CADM2: variants seen among roughly 807,000 people sequenced by gnomAD.
The protein encoded by CADM2 is immunoglobulin superfamily member 4D.
A neutral mutation model predicts 49.8 loss-of-function variants in CADM2; 12 were observed. The ratio of observed to expected loss-of-function variants is 0.24; its 90% CI spans 0.15 to 0.39. CADM2 has a LOEUF of 0.39. Among genes scored for constraint, CADM2 ranks in the 10% least tolerant of loss-of-function variants. The pLI is 1.00. For synonymous variants in CADM2, 214 were observed against 175.4 expected, an observed-to-expected ratio of 1.22 and a Z score of -1.74; for missense variants, 378 against 492.3, an observed-to-expected ratio of 0.77 and a Z score of 2.20.
intron 2 of CADM2, among the ~76,000 whole-genome samples, chr3:85,751,894 C>T (rs913248741): frequency 2.0e-5 from 3 of 152,074 alleles, no homozygotes; most frequent in African/African-American, 7.2e-5. Context: ...GTAAATGTCT[C>T]TTCTGACAAT....
At chr3:85,150,789 A>G (rs2039897284) in intron 1 of CADM2, among the ~76,000 whole-genome samples, 1 of 151,858 alleles carries the variant, frequency 6.6e-6, no homozygotes, top group Non-Finnish European at 1.5e-5. Flanking sequence ...GGTGCCTGTA[A>G]TCCCAGCTAC....
At chr3:85,560,557 G>C (rs964898798) in intron 1 of CADM2, among the ~76,000 whole-genome samples, 1 of 152,212 alleles carries the variant, frequency 6.6e-6, no homozygotes, top group African/African-American at 2.4e-5. Context: ...GGAGGAAGTT[G>C]GAAGGACTGA....
chr3:85,507,579 C>A (rs1452676484), intron 1 of CADM2, among the ~76,000 whole-genome samples: 2 of 152,190 alleles, frequency 1.3e-5, no homozygotes, highest in African/African-American at 4.8e-5. Flanking sequence ...TGATCTGTCA[C>A]TTTGCAAGTT....
At chr3:85,231,435 GA>G (rs71617937) in intron 1 of CADM2, among the ~76,000 whole-genome samples, 19,942 of 148,990 alleles carry the variant, frequency 0.13, 2,865 homozygotes, top group African/African-American at 0.36. Context: ...GAACAAATAA[GA>G]AAAAAAAACA....
chr3:85,163,837 C>G (rs546524818), intron 1 of CADM2, among the ~76,000 whole-genome samples: 1 of 151,964 alleles, frequency 6.6e-6, no homozygotes, highest in Non-Finnish European at 1.5e-5. Context: ...TTAGCATGTT[C>G]AGAGTTATGC....
chr3:85,471,970 G>A (rs2038789557), intron 1 of CADM2, among the ~76,000 whole-genome samples: 1 of 151,754 alleles, frequency 6.6e-6, no homozygotes, highest in Non-Finnish European at 1.5e-5. Flanking sequence ...AATTAAATGT[G>A]TTCAATCTCT....
chr3:85,463,108 T>A (rs1489045698), intron 1 of CADM2, among the ~76,000 whole-genome samples: 1 of 152,156 alleles, frequency 6.6e-6, no homozygotes, highest in South Asian at 2.1e-4. Flanking sequence ...AGTTTAACTC[T>A]TATGATTTTG....
chr3:85,242,078 T>A (rs992538818), intron 1 of CADM2, among the ~76,000 whole-genome samples: 2 of 148,126 alleles, frequency 1.4e-5, no homozygotes, highest in East Asian at 3.9e-4. Flanking sequence ...TTTTTTTTTA[T>A]ATATATAAGA....
chr3:86,049,597 G>C (rs1737099476), intron 8 of CADM2, among the ~76,000 whole-genome samples: 1 of 152,048 alleles, frequency 6.6e-6, no homozygotes, highest in African/African-American at 2.4e-5. Flanking sequence ...AGGTTTAGTT[G>C]GCTCACAGTT....
At chr3:85,250,296 G>A (rs1434497834) in intron 1 of CADM2, among the ~76,000 whole-genome samples, 1 of 151,302 alleles carries the variant, frequency 6.6e-6, no homozygotes, top group East Asian at 1.9e-4. Flanking sequence ...AATATATATA[G>A]GTATCAAATT....
In CADM2 at chr3:86,014,003, T is replaced by C. The variant is rs924288681; in HGVS notation, c.971-51602T>C. 4.0e-5 allele frequency: 58 copies of C among 1,433,228 alleles called. No homozygotes were observed. The Admixed American group carries it at 4.8e-4, about 12-fold the overall frequency. 88.8% of individuals were successfully genotyped at this position (1,433,228 alleles called of 1,614,324 possible). ...CATTAGGAACAATTGAAGAAGTTTG[T>C]TCTTTTTTCCCTTGATCACAACTGC... On this transcript the variant is annotated intron_variant, in intron 8 of 9. Transcript: ENST00000383699.
chr3:85,577,430 C>G (rs1194541128), intron 1 of CADM2, among the ~76,000 whole-genome samples: 2 of 152,124 alleles, frequency 1.3e-5, no homozygotes, highest in Non-Finnish European at 2.9e-5. Context: ...CCGTTGCTCT[C>G]TCGCACGTGC....
intron 1 of CADM2, among the ~76,000 whole-genome samples, chr3:85,302,247 T>C (rs1170102617): frequency 6.6e-6 from 1 of 152,092 alleles, no homozygotes; most frequent in African/African-American, 2.4e-5. Context: ...TGCAGATATA[T>C]CTGTAATTGC....
intron 1 of CADM2, among the ~76,000 whole-genome samples, chr3:85,065,762 C>T (rs2036506144): frequency 6.6e-6 from 1 of 152,110 alleles, no homozygotes; most frequent in Non-Finnish European, 1.5e-5. Flanking sequence ...CTTCATAAAA[C>T]AATTATTTGC....
intron 3 of CADM2, among the ~76,000 whole-genome samples, chr3:85,867,533 T>A (rs1351755298): frequency 1.3e-5 from 2 of 152,118 alleles, no homozygotes; most frequent in Admixed American, 6.5e-5. Flanking sequence ...TTGAAAGGAA[T>A]GTTTCTTAGA....
intron 2 of CADM2, among the ~76,000 whole-genome samples, chr3:85,738,646 C>G (rs749295958): frequency 1.8e-4 from 28 of 152,158 alleles, no homozygotes; most frequent in Non-Finnish European, 3.5e-4. Context: ...CACCATATCT[C>G]TCTTTCTTTT....
chr3:85,451,668 T>G (rs1010929843), intron 1 of CADM2, among the ~76,000 whole-genome samples: 2 of 152,120 alleles, frequency 1.3e-5, no homozygotes, highest in Non-Finnish European at 1.5e-5. Flanking sequence ...ATTTATTAGT[T>G]AGTGAGTGAA....
At chr3:84,980,853 A>G (rs1294917182) in intron 1 of CADM2, among the ~76,000 whole-genome samples, 1 of 152,138 alleles carries the variant, frequency 6.6e-6, no homozygotes, top group African/African-American at 2.4e-5. Context: ...AACTCAATAA[A>G]TTTTGGAGAT....
chr3:85,168,294 A>G (rs1210155060), intron 1 of CADM2, among the ~76,000 whole-genome samples: 5 of 152,100 alleles, frequency 3.3e-5, no homozygotes. Flanking sequence ...ACTTCAAGTG[A>G]TCTGCCCACC....
Sources: gnomAD v4.1 joint callset for allele counts (sites outside exome capture counted in the v4.1 genomes callset) on GRCh38, gnomAD v4.1.1 for gene constraint, MANE v1.5 for transcripts, NCBI Gene and HGNC (gene_info 2026-07-23, HGNC 2026-07-21) for gene names.